KCNH8: variants seen among roughly 807,000 people sequenced by gnomAD.
KCNH8 encodes voltage-gated delayed rectifier potassium channel KCNH8.
A neutral mutation model predicts 103.6 loss-of-function variants in KCNH8; 70 were observed. That is an observed-to-expected ratio of 0.68 (90% CI 0.56 to 0.82). The LOEUF (loss-of-function observed/expected upper bound fraction) is 0.82, where lower values mean the gene tolerates loss of function less well. Ranked by LOEUF, KCNH8 falls within the 40% of genes least tolerant of loss-of-function variation. The probability of loss-of-function intolerance (pLI) is 0.00; values close to 1 mark genes in which losing one functional copy is unlikely to be tolerated. For synonymous variants in KCNH8, 498 were observed against 489.4 expected, an observed-to-expected ratio of 1.02 and a Z score of -0.23; for missense variants, 1,217 against 1,329.9, an observed-to-expected ratio of 0.92 and a Z score of 1.32.
At chr3:19,169,716 C>G (rs561446926) in intron 1 of KCNH8, among the ~76,000 whole-genome samples, 2 of 152,278 alleles carry the variant, frequency 1.3e-5, no homozygotes, top group Non-Finnish European at 2.9e-5. Context: ...GAAATGGAAA[C>G]TGAAATAGAT....
intron 1 of KCNH8, among the ~76,000 whole-genome samples, chr3:19,246,849 T>C (rs1250777446): frequency 6.6e-6 from 1 of 152,154 alleles, no homozygotes; most frequent in African/African-American, 2.4e-5. Flanking sequence ...CTGAGGGTGA[T>C]GTTGCTGGCC....
intron 11 of KCNH8, among the ~76,000 whole-genome samples, chr3:19,470,376 C>T (rs2067830268): frequency 6.6e-6 from 1 of 152,184 alleles, no homozygotes. Context: ...TCTGCATTTC[C>T]TCTTCATTCT....
chr3:19,230,985 T>A (rs2063988083), intron 1 of KCNH8, among the ~76,000 whole-genome samples: 1 of 152,138 alleles, frequency 6.6e-6, no homozygotes, highest in African/African-American at 2.4e-5. Flanking sequence ...TGAAAAATTT[T>A]AAAAAATCTG....
intron 7 of KCNH8, among the ~76,000 whole-genome samples, chr3:19,427,609 A>T (rs1417301579): frequency 6.6e-6 from 1 of 152,208 alleles, no homozygotes; most frequent in South Asian, 2.1e-4. Context: ...AAAGAGTTCT[A>T]TTCCTAGAAA....
intron 3 of KCNH8, among the ~76,000 whole-genome samples, chr3:19,331,567 A>G (rs1483137801): frequency 6.6e-6 from 1 of 152,168 alleles, no homozygotes; most frequent in African/African-American, 2.4e-5. Flanking sequence ...CTGGGATTAC[A>G]GGCGTGAGCC....
At chr3:19,419,106 T>C (rs2066905568) in intron 7 of KCNH8, among the ~76,000 whole-genome samples, 1 of 152,170 alleles carries the variant, frequency 6.6e-6, no homozygotes, top group South Asian at 2.1e-4. Flanking sequence ...TCTTCTCTCC[T>C]TTCTCATCAT....
intron 5 of KCNH8, among the ~76,000 whole-genome samples, chr3:19,370,783 C>T (rs2066080115): frequency 6.7e-6 from 1 of 149,526 alleles, no homozygotes; most frequent in Admixed American, 6.7e-5. Flanking sequence ...CAACAGTCCC[C>T]AGAGTGTGAT....
intron 7 of KCNH8, among the ~76,000 whole-genome samples, chr3:19,402,245 A>G (rs2066624411): frequency 6.6e-6 from 1 of 151,948 alleles, no homozygotes; most frequent in Admixed American, 6.6e-5. Context: ...TACTCTATTA[A>G]CATCCTATCC....
At position 19,442,651 on chromosome 3, in the gene KCNH8, C is replaced by T. The variant is rs111829295; in HGVS notation, c.1375+4290C>T. ...GTGGCATTAAAAAATTTAGGTGACC[C>T]GAGCAGCACTTAGGAAACTATTCAT... On this transcript the variant is annotated intron_variant, in intron 8 of 15. Coordinates refer to ENST00000328405, the MANE Select transcript of KCNH8 (RefSeq NM_144633.3). 5.6e-4 allele frequency among the ~76,000 whole-genome samples: 85 copies of T among 152,196 alleles called. 2 individuals carry two copies. Among genetic ancestry groups the T allele is most frequent in the African/African-American group, 1.9e-3 (80 of 41,532 alleles).
At chr3:19,499,777 C>G (rs1348144931) in intron 11 of KCNH8, among the ~76,000 whole-genome samples, 1 of 152,150 alleles carries the variant, frequency 6.6e-6, no homozygotes, top group Non-Finnish European at 1.5e-5. Context: ...CCTAAAAGAG[C>G]TCCTGAAGGA....
intron 7 of KCNH8, among the ~76,000 whole-genome samples, chr3:19,422,696 A>C (rs890069394): frequency 6.6e-5 from 10 of 152,116 alleles, no homozygotes; most frequent in Non-Finnish European, 1.5e-4. Flanking sequence ...ATATTAATTG[A>C]GTGCATATTA....
chr3:19,368,443 G>C (rs1234143302), intron 5 of KCNH8, among the ~76,000 whole-genome samples: 1 of 151,982 alleles, frequency 6.6e-6, no homozygotes, highest in African/African-American at 2.4e-5. Flanking sequence ...AGTGTGATGA[G>C]AGACCATGAG....
At chr3:19,479,038 AAT>A (rs1473483343) in intron 11 of KCNH8, among the ~76,000 whole-genome samples, 2 of 152,160 alleles carry the variant, frequency 1.3e-5, no homozygotes, top group Non-Finnish European at 2.9e-5. Flanking sequence ...TATCAGAATT[AAT>A]ATGTTTCTTA....
At chr3:19,525,561 G>C (rs1429579060) in intron 15 of KCNH8, among the ~76,000 whole-genome samples, 1 of 151,918 alleles carries the variant, frequency 6.6e-6, no homozygotes, top group Non-Finnish European at 1.5e-5. Flanking sequence ...AGCAGTCAAA[G>C]GGTTGATAAA....
intron 3 of KCNH8, among the ~76,000 whole-genome samples, chr3:19,333,863 A>T (rs2065545471): frequency 6.6e-6 from 1 of 152,124 alleles, no homozygotes; most frequent in Non-Finnish European, 1.5e-5. Context: ...TTTCACTTGT[A>T]GTCATTTTTG....
At chr3:19,499,630 T>C (rs2068530112) in intron 11 of KCNH8, among the ~76,000 whole-genome samples, 1 of 152,124 alleles carries the variant, frequency 6.6e-6, no homozygotes, top group African/African-American at 2.4e-5. Context: ...TGGGGGCCAA[T>C]ATTCAACATT....
At chr3:19,317,779 T>G (rs1008343351) in intron 3 of KCNH8, among the ~76,000 whole-genome samples, 14 of 151,832 alleles carry the variant, frequency 9.2e-5, no homozygotes, top group Admixed American at 9.2e-4. Flanking sequence ...TCAACATCCT[T>G]TCATGTTAAA....
chr3:19,266,575 C>T (rs1418485818), intron 2 of KCNH8, among the ~76,000 whole-genome samples: 1 of 152,094 alleles, frequency 6.6e-6, no homozygotes, highest in Non-Finnish European at 1.5e-5. Flanking sequence ...TTTCATTATG[C>T]ATGTTTGAGG....
At chr3:19,454,374 C>T (rs948629580) in intron 10 of KCNH8, among the ~76,000 whole-genome samples, 2 of 151,930 alleles carry the variant, frequency 1.3e-5, no homozygotes, top group African/African-American at 4.8e-5. Flanking sequence ...TCCTTAGTAC[C>T]ACTAAACGTT....
Sources: gnomAD v4.1 joint callset for allele counts (sites outside exome capture counted in the v4.1 genomes callset) on GRCh38, gnomAD v4.1.1 for gene constraint, MANE v1.5 for transcripts, NCBI Gene and HGNC (gene_info 2026-07-23, HGNC 2026-07-21) for gene names.